PPP1R9A: variants seen among roughly 807,000 people sequenced by gnomAD.
The protein encoded by PPP1R9A is neurabin-1.
In PPP1R9A, 59 loss-of-function variants were observed where a neutral mutation model predicts 141.9. The ratio of observed to expected loss-of-function variants is 0.42; its 90% CI spans 0.34 to 0.52. The LOEUF (loss-of-function observed/expected upper bound fraction) is 0.52. Among genes scored for constraint, PPP1R9A ranks in the 20% least tolerant of loss-of-function variants. The probability of loss-of-function intolerance (pLI) is 0.10; values close to 1 mark genes in which losing one functional copy is unlikely to be tolerated. For missense variants in PPP1R9A, 1,444 were observed against 1,611.9 expected, an observed-to-expected ratio of 0.90 and a Z score of 1.78; for synonymous variants, 500 against 569.7, an observed-to-expected ratio of 0.88 and a Z score of 1.74.
intron 7 of PPP1R9A, among the ~76,000 whole-genome samples, chr7:95,205,017 C>T (rs1173384553): frequency 1.3e-5 from 2 of 150,318 alleles, no homozygotes; most frequent in East Asian, 2.0e-4. Flanking sequence ...CACACACACG[C>T]CACACACACA....
intron 8 of PPP1R9A, among the ~76,000 whole-genome samples, chr7:95,241,969 A>G (rs1488977591): frequency 6.6e-6 from 1 of 152,168 alleles, no homozygotes; most frequent in Non-Finnish European, 1.5e-5. Flanking sequence ...ACCTTGTTAG[A>G]GAATCTCACC....
chr7:95,100,997 C>T (rs1434575027), intron 2 of PPP1R9A, among the ~76,000 whole-genome samples: 2 of 150,902 alleles, frequency 1.3e-5, no homozygotes, highest in Non-Finnish European at 3.0e-5. Flanking sequence ...GGACTACAGG[C>T]GCCCGCTACC....
rs888429439 is a variant in PPP1R9A at position 95,132,800 on chromosome 7, G to A, written c.1649+11968G>A. ...GGCTGGGTGTGCAGCAACCTGCTTC[G>A]GTCTTGGGTGCTGGCATCTAGACAA... On this transcript the variant is annotated intron_variant, in intron 4 of 19. Coordinates refer to ENST00000433360, the MANE Select transcript of PPP1R9A (RefSeq NM_001166160.2). Among the ~76,000 whole-genome samples the A allele has an allele frequency of 5.3e-5, 8 of 152,244 alleles. No individual in the cohort carries two copies. The East Asian group carries it at 5.8e-4, about 11-fold the overall frequency.
At position 95,295,189 on chromosome 7, in the gene PPP1R9A, A is replaced by G. The variant is rs1408931682; in HGVS notation, c.*4886A>G. 3 of 152,620 alleles carry G rather than the reference A, an allele frequency of 2.0e-5. No homozygotes were observed. The East Asian group carries it at 5.8e-4, about 29-fold the overall frequency. The allele number at this position is 152,620 out of a possible 1,614,324, so 9.5% of individuals were successfully genotyped here. On this transcript the variant is annotated 3_prime_UTR_variant, in exon 20 of 20. Transcript: ENST00000433360. ...ATGGAACTTGGCGAGGTCAGTCAGGACCTGGAGCTGTAATCATAGCCTTAT... is the reference window on the plus strand; with the variant it reads ...ATGGAACTTGGCGAGGTCAGTCAGGGCCTGGAGCTGTAATCATAGCCTTAT...
intron 2 of PPP1R9A, among the ~76,000 whole-genome samples, chr7:95,067,561 CT>C: frequency 6.6e-6 from 1 of 152,236 alleles, no homozygotes; most frequent in East Asian, 1.9e-4. Flanking sequence ...AGAAGAGATA[CT>C]TATATACATG....
At chr7:94,987,474 C>T (rs1361912407) in intron 2 of PPP1R9A, among the ~76,000 whole-genome samples, 4 of 152,108 alleles carry the variant, frequency 2.6e-5, no homozygotes, top group Admixed American at 6.6e-5. Flanking sequence ...GTATTCGTAT[C>T]CTTTGAGCTA....
chr7:95,249,197 A>C (rs1453373690), intron 9 of PPP1R9A, among the ~76,000 whole-genome samples: 2 of 152,164 alleles, frequency 1.3e-5, no homozygotes, highest in Non-Finnish European at 1.5e-5. Context: ...GAGGGAATTA[A>C]ATTAACCAAG....
At chr7:95,065,795 C>G (rs930397724) in intron 2 of PPP1R9A, among the ~76,000 whole-genome samples, 1 of 152,148 alleles carries the variant, frequency 6.6e-6, no homozygotes, top group African/African-American at 2.4e-5. Flanking sequence ...GACAGATAAT[C>G]TACACAATTT....
At chr7:95,066,643 TAGG>T (rs1179958893) in intron 2 of PPP1R9A, among the ~76,000 whole-genome samples, 7 of 152,092 alleles carry the variant, frequency 4.6e-5, no homozygotes, top group African/African-American at 7.2e-5. Flanking sequence ...AAGATAAAGT[TAGG>T]AGAATTTCCC....
chr7:95,287,186 G>GT, intron 18 of PPP1R9A: 1 of 1,583,012 alleles, frequency 6.3e-7, no homozygotes, highest in African/African-American at 1.3e-5. Context: ...GTTTGAATGT[G>GT]TTTTTTCGCT....
At chr7:94,983,753 A>C (rs1800431436) in intron 2 of PPP1R9A, among the ~76,000 whole-genome samples, 1 of 152,156 alleles carries the variant, frequency 6.6e-6, no homozygotes, top group Non-Finnish European at 1.5e-5. Context: ...GATTTTCTAA[A>C]TATACAATCA....
At chr7:95,195,294 T>C (rs1381942423) in intron 5 of PPP1R9A, among the ~76,000 whole-genome samples, 2 of 151,780 alleles carry the variant, frequency 1.3e-5, no homozygotes, top group Non-Finnish European at 2.9e-5. Flanking sequence ...TTTTTTTTTT[T>C]TCTTGAGACA....
At position 95,159,858 on chromosome 7, in the gene PPP1R9A, G is replaced by A. The variant is rs192121813; in HGVS notation, c.1650-2009G>A. Among the ~76,000 whole-genome samples the A allele has an allele frequency of 7.4e-4, 112 of 150,384 alleles. 1 individual carries two copies. The highest frequency in any genetic ancestry group is 6.3e-3 in the East Asian group (32 of 5,098). On this transcript the variant is annotated intron_variant, in intron 4 of 19. Transcript: ENST00000433360. Reference sequence around the variant, plus strand: ...GGAGAATCTCTTGAACCCGGGAGGCGGAGGTTGTAGTGAGCCAAGATCACA... The same window carrying A: ...GGAGAATCTCTTGAACCCGGGAGGCAGAGGTTGTAGTGAGCCAAGATCACA...
At chr7:94,944,069 T>C (rs1253318540) in intron 2 of PPP1R9A, among the ~76,000 whole-genome samples, 1 of 152,196 alleles carries the variant, frequency 6.6e-6, no homozygotes, top group Non-Finnish European at 1.5e-5. Flanking sequence ...ATATGTGATA[T>C]TTTGATACAT....
At chr7:95,111,466 C>T in intron 3 of PPP1R9A, 75 bp downstream of exon 3, 2 of 1,364,142 alleles carry the variant, frequency 1.5e-6, no homozygotes, top group Non-Finnish European at 9.9e-7. Context: ...CAAAATGTAG[C>T]CTTTTTTCTA....
At chr7:94,914,285 G>A (rs1186745733) in intron 2 of PPP1R9A, among the ~76,000 whole-genome samples, 5 of 152,118 alleles carry the variant, frequency 3.3e-5, no homozygotes, top group Non-Finnish European at 7.4e-5. Flanking sequence ...ATCTTTGTAT[G>A]TGTAATATTG....
At chr7:94,918,590 C>T (rs185055600) in intron 2 of PPP1R9A, among the ~76,000 whole-genome samples, 3 of 152,158 alleles carry the variant, frequency 2.0e-5, no homozygotes, top group East Asian at 3.9e-4. Context: ...TTATCTGATT[C>T]TAGAACTTTT....
chr7:95,115,724 C>G (rs1258026472), intron 3 of PPP1R9A, among the ~76,000 whole-genome samples: 1 of 151,894 alleles, frequency 6.6e-6, no homozygotes, highest in Non-Finnish European at 1.5e-5. Context: ...TGAGACCATC[C>G]TGGCTAACAC....
At chr7:95,275,795 AATTAAAGGAGC>A (rs759718752) in intron 16 of PPP1R9A, among the ~76,000 whole-genome samples, 7 of 152,078 alleles carry the variant, frequency 4.6e-5, no homozygotes, top group Non-Finnish European at 7.4e-5. Context: ...TTCTTCTTGG[AATTAAAGGAGC>A]ATTAAAGGAG....
Sources: gnomAD v4.1 joint callset for allele counts (sites outside exome capture counted in the v4.1 genomes callset) on GRCh38, gnomAD v4.1.1 for gene constraint, MANE v1.5 for transcripts, NCBI Gene and HGNC (gene_info 2026-07-23, HGNC 2026-07-21) for gene names.